The following LRGUK variants were observed in gnomAD, a reference collection of about 807,000 sequenced individuals.
The protein encoded by LRGUK is leucine-rich repeat and guanylate kinase domain-containing protein.
In LRGUK, 65 loss-of-function variants were observed where a neutral mutation model predicts 76.0. The observed-to-expected ratio is 0.85, with a 90% CI of 0.70 to 1.05. LRGUK has a LOEUF of 1.05. LRGUK is among the 50% of genes least tolerant of loss of function. The pLI is 0.00. For synonymous variants in LRGUK, 268 were observed against 265.6 expected (o/e 1.01, Z -0.09); for missense variants, 758 against 732.8 (o/e 1.03, Z -0.40).
intron 12 of LRGUK, among the ~76,000 whole-genome samples, chr7:134,195,748 G>T (rs535084064): frequency 6.6e-6 from 1 of 152,010 alleles, no homozygotes; most frequent in Admixed American, 6.5e-5. Context: ...ATATAGAAAA[G>T]GAGTCACAGT....
At chr7:134,201,797 G>T (rs1800783951) in intron 15 of LRGUK, among the ~76,000 whole-genome samples, 1 of 152,080 alleles carries the variant, frequency 6.6e-6, no homozygotes, top group Non-Finnish European at 1.5e-5. Flanking sequence ...TCCAGGTACT[G>T]CCCTTCAGGA....
chr7:134,134,014 A>T (rs956491549), intron 1 of LRGUK, among the ~76,000 whole-genome samples: 1 of 152,004 alleles, frequency 6.6e-6, no homozygotes, highest in African/African-American at 2.4e-5. Context: ...GTGAACTGAG[A>T]TCACAACACT....
At chr7:134,148,740 C>G (rs1331859031) in intron 5 of LRGUK, among the ~76,000 whole-genome samples, 1 of 152,200 alleles carries the variant, frequency 6.6e-6, no homozygotes, top group Non-Finnish European at 1.5e-5. Flanking sequence ...GCCTGGCCAA[C>G]ATGGCGGAAA....
At chr7:134,191,596 C>T in intron 11 of LRGUK, 59 bp from the exon 12 acceptor site, 1 of 1,111,638 alleles carries the variant, frequency 9.0e-7, no homozygotes, top group South Asian at 1.4e-5. Flanking sequence ...ATATTGAAAC[C>T]TTTTCCATTT....
intron 15 of LRGUK, 106 bp from the exon 16 acceptor site, chr7:134,221,673 T>C: frequency 2.7e-6 from 2 of 751,184 alleles, no homozygotes; most frequent in Non-Finnish European, 1.9e-6. Context: ...ACATTTTAAG[T>C]ATCCAGCTTG....
intron 19 of LRGUK, among the ~76,000 whole-genome samples, chr7:134,263,419 C>CTGTGTGTGTGTGTGTCTGTGTG (rs60637538): frequency 6.7e-6 from 1 of 149,512 alleles, no homozygotes; most frequent in African/African-American, 2.4e-5. Flanking sequence ...GTGTGTGTGT[C>CTGTGTGTGTGTGTGTCTGTGTG]TGTGTGCATG....
chr7:134,145,336 C>T (rs1472470187), intron 4 of LRGUK, among the ~76,000 whole-genome samples: 4 of 152,086 alleles, frequency 2.6e-5, no homozygotes. Context: ...CAACCTCTGC[C>T]TCCCAGGTTC....
chr7:134,139,364 G>C (rs724812), intron 2 of LRGUK, 72 bp from the exon 3 acceptor site: 113,703 of 932,074 alleles, frequency 0.12, 8,616 homozygotes, highest in East Asian at 0.33. Flanking sequence ...TTTCCATCAA[G>C]AGTTATTGCA....
chr7:134,248,142 A>T (rs1802355709), intron 17 of LRGUK, among the ~76,000 whole-genome samples: 1 of 152,186 alleles, frequency 6.6e-6, no homozygotes, highest in South Asian at 2.1e-4. Flanking sequence ...AGGCTGTGTG[A>T]TATATGCAAA....
At chr7:134,169,948 T>C (rs1799172308) in intron 7 of LRGUK, among the ~76,000 whole-genome samples, 1 of 152,138 alleles carries the variant, frequency 6.6e-6, no homozygotes, top group Non-Finnish European at 1.5e-5. Flanking sequence ...TTCATACTAA[T>C]TAGTGTCCTA....
At chr7:134,225,999 A>C (rs1005637321) in intron 16 of LRGUK, among the ~76,000 whole-genome samples, 3 of 152,196 alleles carry the variant, frequency 2.0e-5, no homozygotes, top group African/African-American at 7.2e-5. Context: ...TTACCTTCCC[A>C]AGGTAAATTT....
At chr7:134,187,846 C>T (rs1402676184) in intron 11 of LRGUK, among the ~76,000 whole-genome samples, 1 of 152,174 alleles carries the variant, frequency 6.6e-6, no homozygotes, top group Non-Finnish European at 1.5e-5. Flanking sequence ...TTTATTCTTT[C>T]TTAGATCTCT....
Position 134,177,083 on chromosome 7 carries a change from C to A in LRGUK, c.1107+20C>A. 6.7e-7 allele frequency: 1 copy of A among 1,483,446 alleles called. No individual in the cohort carries two copies. The highest frequency in any genetic ancestry group is 9.3e-7 in the Non-Finnish European group (1 of 1,071,150). 91.9% of individuals were successfully genotyped at this position (1,483,446 alleles called of 1,614,324 possible). On this transcript the variant is annotated intron_variant, in intron 9 of 15. Transcript: ENST00000645682. Reference sequence around the variant, plus strand: ...GAAAAGGTATGTAATCATGTCATAACATTACCATTGTGTTATTGGGTTAAT... The same window carrying A: ...GAAAAGGTATGTAATCATGTCATAAAATTACCATTGTGTTATTGGGTTAAT...
At chr7:134,221,950 A>G (rs569717146) in intron 16 of LRGUK, 32 bp downstream of exon 16, 38 of 1,554,032 alleles carry the variant, frequency 2.4e-5, no homozygotes, top group East Asian at 4.7e-5. Flanking sequence ...TGAAGCCACA[A>G]CTGAGCTCTA....
chr7:134,231,450 CCCTTCCTTTCTT>C (rs1801887720), intron 16 of LRGUK, among the ~76,000 whole-genome samples: 1 of 143,704 alleles, frequency 7.0e-6, no homozygotes, highest in African/African-American at 2.7e-5. Flanking sequence ...TTTCCTTTCT[CCCTTCCTTTCTT>C]CCTTCCTTCT....
At chr7:134,230,962 C>T (rs1445354072) in intron 16 of LRGUK, among the ~76,000 whole-genome samples, 1 of 152,158 alleles carries the variant, frequency 6.6e-6, no homozygotes, top group Non-Finnish European at 1.5e-5. Flanking sequence ...ACGAGGCCAC[C>T]TGGTGAACTG....
At chr7:134,216,726 A>G (rs1419023339) in intron 15 of LRGUK, among the ~76,000 whole-genome samples, 1 of 152,156 alleles carries the variant, frequency 6.6e-6, no homozygotes, top group Admixed American at 6.5e-5. Flanking sequence ...TTGTGGCTCA[A>G]TTGAGACAAA....
intron 1 of LRGUK, among the ~76,000 whole-genome samples, chr7:134,133,266 C>T (rs916630680): frequency 6.6e-6 from 1 of 152,144 alleles, no homozygotes; most frequent in African/African-American, 2.4e-5. Flanking sequence ...ACATGCTGCC[C>T]CTTTTGCCTG....
Position 134,197,302 on chromosome 7 carries a change from C to A in LRGUK, c.1545+197C>A, listed in dbSNP as rs964890283. 3.3e-5 allele frequency among the ~76,000 whole-genome samples: 5 copies of A among 152,002 alleles called. No individual in the cohort carries two copies. In the East Asian group the frequency reaches 9.6e-4, roughly 29 times the overall value. ...TATACAATGCACAGGCAACACATTG[C>A]CAGGCACAAGATAAGATATTCCGTT... On this transcript the variant is annotated intron_variant, in intron 13 of 15. Coordinates refer to ENST00000645682, the Ensembl canonical transcript of LRGUK.
Sources: gnomAD v4.1 joint callset for allele counts (sites outside exome capture counted in the v4.1 genomes callset) on GRCh38, gnomAD v4.1.1 for gene constraint, MANE v1.5 for transcripts, NCBI Gene and HGNC (gene_info 2026-07-23, HGNC 2026-07-21) for gene names.